BNC2: variants seen among roughly 807,000 people sequenced by gnomAD.
BNC2 encodes zinc finger protein basonuclin-2.
In BNC2, 20 loss-of-function variants were observed where a neutral mutation model predicts 76.3. The ratio of observed to expected loss-of-function variants is 0.26; its 90% CI spans 0.18 to 0.38. The LOEUF is 0.38. Ranked by LOEUF, BNC2 falls within the 10% of genes least tolerant of loss-of-function variation. The pLI, the probability that BNC2 is intolerant of heterozygous loss-of-function variation, is 1.00. For synonymous variants in BNC2, 582 were observed against 514.8 expected, an observed-to-expected ratio of 1.13 and a Z score of -1.77; for missense variants, 1,382 against 1,399.8, an observed-to-expected ratio of 0.99 and a Z score of 0.20.
chr9:16,735,876 G>A (rs1014345384), intron 2 of BNC2, among the ~76,000 whole-genome samples: 1 of 151,964 alleles, frequency 6.6e-6, no homozygotes, highest in African/African-American at 2.4e-5. Flanking sequence ...CTCAGTAAAG[G>A]TGTCATAATA....
chr9:16,737,411 C>T (rs1043938333), intron 2 of BNC2, among the ~76,000 whole-genome samples: 18 of 151,714 alleles, frequency 1.2e-4, no homozygotes, highest in African/African-American at 3.9e-4. Flanking sequence ...CCACCACGCC[C>T]GGCTAATTTT....
At chr9:16,498,236 C>G (rs1432697766) in intron 5 of BNC2, among the ~76,000 whole-genome samples, 1 of 117,964 alleles carries the variant, frequency 8.5e-6, no homozygotes, top group Admixed American at 8.7e-5. Flanking sequence ...TATATATATT[C>G]CATCATATAT....
intron 3 of BNC2, among the ~76,000 whole-genome samples, chr9:16,616,214 C>A (rs1207951706): frequency 1.3e-5 from 2 of 152,058 alleles, no homozygotes; most frequent in Non-Finnish European, 2.9e-5. Flanking sequence ...AAGTAAGACA[C>A]TGTCTCTACA....
intron 1 of BNC2, among the ~76,000 whole-genome samples, chr9:16,768,273 G>A (rs910741071): frequency 1.3e-5 from 2 of 152,000 alleles, no homozygotes; most frequent in Non-Finnish European, 1.5e-5. Flanking sequence ...GCCAGTGTAT[G>A]CAATTCAGAC....
At chr9:16,458,112 A>AG (rs1299358753) in intron 5 of BNC2, among the ~76,000 whole-genome samples, 1 of 152,182 alleles carries the variant, frequency 6.6e-6, no homozygotes, top group Non-Finnish European at 1.5e-5. Flanking sequence ...TTAAAAAAAA[A>AG]TAACATTACT....
intron 1 of BNC2, among the ~76,000 whole-genome samples, chr9:16,809,933 A>C (rs552006468): frequency 4.7e-4 from 72 of 152,320 alleles, no homozygotes; most frequent in Middle Eastern, 6.8e-3. Flanking sequence ...CATCTTTCCT[A>C]ATCAATGCTT....
chr9:16,436,171 G>A lies in BNC2; in HGVS notation c.2023C>T (p.His675Tyr), dbSNP rs1821008739. 2 of 1,614,086 alleles carry A rather than the reference G, an allele frequency of 1.2e-6. No individual in the cohort carries two copies. Among genetic ancestry groups the A allele is most frequent in the African/African-American group, 1.3e-5 (1 of 74,934 alleles). The change falls in exon 6 of 7, where the codon CAT becomes TAT. Residue 675 changes from histidine to tyrosine, a missense_variant. Physicochemically the swap from His to Tyr is moderately conservative, Grantham distance 83 (BLOSUM62 2). This residue lies in a region of BNC2 where 798 missense variants were observed against 775.5 expected (regional missense o/e 1.03). Coordinates refer to ENST00000380672, the MANE Select transcript of BNC2 (RefSeq NM_017637.6). ...CTCATCTCCTCTTGGGAGTGACAAT[G>A]ATTGTCATGGCTCATGTCATTGACC... ...AVVNDMSHDNHCHSQEEMSPG... is the reference protein window; with the variant it reads ...AVVNDMSHDNYCHSQEEMSPG...
intron 5 of BNC2, among the ~76,000 whole-genome samples, chr9:16,480,952 G>C (rs920468851): frequency 6.6e-6 from 1 of 152,220 alleles, no homozygotes; most frequent in Non-Finnish European, 1.5e-5. Flanking sequence ...GATCCACTGG[G>C]TGAAGCCAGC....
At chr9:16,721,641 C>G (rs1257788339) in intron 3 of BNC2, among the ~76,000 whole-genome samples, 1 of 152,168 alleles carries the variant, frequency 6.6e-6, no homozygotes, top group Non-Finnish European at 1.5e-5. Context: ...ACACGCATAA[C>G]AAACCAGGCT....
At chr9:16,456,508 G>C (rs1486222124) in intron 5 of BNC2, among the ~76,000 whole-genome samples, 1 of 145,832 alleles carries the variant, frequency 6.9e-6, no homozygotes, top group African/African-American at 2.6e-5. Context: ...TCCAGCCTGG[G>C]AGACAGAGCA....
intron 3 of BNC2, among the ~76,000 whole-genome samples, chr9:16,656,756 C>T (rs1458865984): frequency 6.6e-6 from 1 of 152,072 alleles, no homozygotes; most frequent in Non-Finnish European, 1.5e-5. Flanking sequence ...TAACTGTAGG[C>T]AATATGTTGT....
At chr9:16,560,354 G>T (rs1187453670) in intron 4 of BNC2, among the ~76,000 whole-genome samples, 1 of 152,192 alleles carries the variant, frequency 6.6e-6, no homozygotes, top group Non-Finnish European at 1.5e-5. Flanking sequence ...TAAAGGCAAA[G>T]ACCTGTGGAA....
intron 5 of BNC2, among the ~76,000 whole-genome samples, chr9:16,441,096 T>C (rs1239817829): frequency 6.6e-6 from 1 of 152,010 alleles, no homozygotes; most frequent in African/African-American, 2.4e-5. Context: ...AAGGCCAAGG[T>C]GGAAGATGGC....
Position 16,601,488 on chromosome 9 carries a change from T to C in BNC2, c.331-18403A>G, listed in dbSNP as rs563152427. Among the ~76,000 whole-genome samples the C allele has an allele frequency of 8.3e-4, 127 of 152,260 alleles. 1 individual carries two copies. The highest frequency in any genetic ancestry group is 1.3e-3 in the Non-Finnish European group (89 of 68,006). On this transcript the variant is annotated intron_variant, in intron 3 of 6. Coordinates refer to ENST00000380672, the MANE Select transcript of BNC2 (RefSeq NM_017637.6). ...AACTTGTTTCGAATCCCCTGGGACA[T>C]TGCAAGAGAAGTAAGCAGTTTCCTG... is the stretch of plus-strand genomic sequence containing the variant.
chr9:16,504,748 G>A (rs1822590980), intron 5 of BNC2, among the ~76,000 whole-genome samples: 1 of 152,222 alleles, frequency 6.6e-6, no homozygotes, highest in African/African-American at 2.4e-5. Context: ...TGAGGAAGCT[G>A]AGGCGGCAGG....
intron 1 of BNC2, among the ~76,000 whole-genome samples, chr9:16,799,640 T>C (rs1318819858): frequency 3.3e-5 from 5 of 152,130 alleles, no homozygotes; most frequent in Middle Eastern, 3.2e-3. Flanking sequence ...ATTAATCCCA[T>C]TGTATTTACA....
rs899871713 is a variant in BNC2, at chr9:16,835,496, C to T, written c.3+35150G>A. On this transcript the variant is annotated intron_variant, in intron 1 of 6. Coordinates refer to ENST00000380672, the MANE Select transcript of BNC2 (RefSeq NM_017637.6). ...GGCAGATCATTTGAGGTCAGGAGTT[C>T]GAGGCCAGCCTGACCAACATGGTGA... is the stretch of plus-strand genomic sequence containing the variant. Among the ~76,000 whole-genome samples the T allele has an allele frequency of 3.9e-5, 6 of 152,038 alleles. No homozygotes were observed. In the South Asian group the frequency reaches 8.3e-4, roughly 21 times the overall value.
intron 1 of BNC2, among the ~76,000 whole-genome samples, chr9:16,742,083 C>T (rs1471481591): frequency 1.3e-5 from 2 of 150,148 alleles, no homozygotes; most frequent in Non-Finnish European, 3.0e-5. Context: ...TAAAGTAAAA[C>T]ACTGAGAATT....
intron 5 of BNC2, among the ~76,000 whole-genome samples, chr9:16,532,712 A>G (rs574002890): frequency 7.0e-4 from 106 of 152,334 alleles, no homozygotes; most frequent in Non-Finnish European, 1.2e-3. Flanking sequence ...ACTATTATCT[A>G]TGTTCTTATA....
Sources: allele counts gnomAD v4.1 joint callset (sites outside exome capture counted in the v4.1 genomes callset), GRCh38; gene constraint gnomAD v4.1.1; regional missense constraint gnomAD v4.1.1; transcripts MANE v1.5; gene names NCBI Gene and HGNC (gene_info 2026-07-23, HGNC 2026-07-21).